Variants in SH3GL1 observed in about 807,000 individuals in gnomAD.
The protein encoded by SH3GL1 is SH3 domain containing GRB2 like 1, endophilin A2.
SH3GL1 carries 21 observed loss-of-function variants against 48.8 expected under a neutral mutation model. The ratio of observed to expected loss-of-function variants is 0.43; its 90% confidence interval spans 0.30 to 0.62. The LOEUF (loss-of-function observed/expected upper bound fraction) is 0.62. Ranked by LOEUF, SH3GL1 falls within the 20% of genes least tolerant of loss-of-function variation. The probability of loss-of-function intolerance (pLI) is 0.11; values close to 1 mark genes in which losing one functional copy is unlikely to be tolerated. For synonymous variants in SH3GL1, 282 were observed against 217.5 expected (o/e 1.30, Z -2.61); for missense variants, 454 against 503.0 (o/e 0.90, Z 0.93).
chr19:4,378,278 G>C (rs1442747919), intron 1 of SH3GL1, among the ~76,000 whole-genome samples: 2 of 152,210 alleles, frequency 1.3e-5, no homozygotes, highest in African/African-American at 4.8e-5. Context: ...GGCTGACGTG[G>C]GATTAGGGTG....
intron 1 of SH3GL1, among the ~76,000 whole-genome samples, chr19:4,394,094 T>C: frequency 7.2e-6 from 1 of 139,198 alleles, no homozygotes. Context: ...ATCTTTCCAT[T>C]CAAATGTTCA....
At chr19:4,387,794 C>G (rs549401810) in intron 1 of SH3GL1, among the ~76,000 whole-genome samples, 111 of 152,232 alleles carry the variant, frequency 7.3e-4, no homozygotes, top group Non-Finnish European at 1.4e-3. Context: ...AGCGATTCGC[C>G]TGCCTCAGCC....
In SH3GL1 at chr19:4,361,282, G is replaced by A. The variant is rs1599585303; in HGVS notation, c.*318C>T. Reference sequence around the variant, plus strand: ...CAGAGGAACATTAGTGTTTCTAAGAGCACCTTAGTGTTGCCCCGCCTCGGC... The same window carrying A: ...CAGAGGAACATTAGTGTTTCTAAGAACACCTTAGTGTTGCCCCGCCTCGGC... On this transcript the variant is annotated 3_prime_UTR_variant, in exon 10 of 10. Transcript: ENST00000269886. 2 of 430,090 alleles carry A rather than the reference G, an allele frequency of 4.7e-6. No individual in the cohort carries two copies. Among genetic ancestry groups the A allele is most frequent in the African/African-American group, 4.0e-5 (2 of 50,174 alleles). 26.6% of individuals were successfully genotyped at this position (430,090 alleles called of 1,614,324 possible).
intron 1 of SH3GL1, among the ~76,000 whole-genome samples, chr19:4,395,076 G>C (rs1973402335): frequency 6.6e-6 from 1 of 152,262 alleles, no homozygotes; most frequent in Non-Finnish European, 1.5e-5. Flanking sequence ...TCAAGTTCCA[G>C]CAAAGAACTG....
intron 1 of SH3GL1, among the ~76,000 whole-genome samples, chr19:4,393,508 A>C (rs1359106327): frequency 3.3e-5 from 5 of 151,776 alleles, no homozygotes; most frequent in Admixed American, 3.3e-4. Flanking sequence ...ATAAATAAAA[A>C]TAGGCGAGGC....
At chr19:4,394,957 C>T (rs1436668472) in intron 1 of SH3GL1, among the ~76,000 whole-genome samples, 5 of 152,262 alleles carry the variant, frequency 3.3e-5, no homozygotes, top group Non-Finnish European at 7.3e-5. Flanking sequence ...CAACTGTCTC[C>T]GACATTGCCA....
At chr19:4,362,585 C>T (rs1220563550) in intron 8 of SH3GL1, 27 bp downstream of exon 8, 2 of 1,612,652 alleles carry the variant, frequency 1.2e-6, no homozygotes, top group Non-Finnish European at 1.7e-6. Context: ...GCATTTGCCT[C>T]CGCAAGAGGG....
intron 2 of SH3GL1, 37 bp downstream of exon 2, chr19:4,366,889 T>C (rs1393031899): frequency 6.3e-7 from 1 of 1,598,200 alleles, no homozygotes; most frequent in South Asian, 1.1e-5. Context: ...GCCCCAGCAG[T>C]GCCACCACCA....
intron 1 of SH3GL1, among the ~76,000 whole-genome samples, chr19:4,396,409 CAAACAAACAA>C (rs1973426081): frequency 6.6e-6 from 1 of 152,048 alleles, no homozygotes; most frequent in South Asian, 2.1e-4. Flanking sequence ...CAAAAACAAA[CAAACAAACAA>C]AAACAAACTA....
chr19:4,386,164 C>A (rs1208155329), intron 1 of SH3GL1, among the ~76,000 whole-genome samples: 2 of 152,190 alleles, frequency 1.3e-5, no homozygotes, highest in East Asian at 1.9e-4. Context: ...GGCTGCCCAT[C>A]TGTTTCAAAC....
At chr19:4,375,770 A>G (rs1433660514) in intron 1 of SH3GL1, among the ~76,000 whole-genome samples, 1 of 152,238 alleles carries the variant, frequency 6.6e-6, no homozygotes, top group African/African-American at 2.4e-5. Flanking sequence ...GAAAACTTAT[A>G]AAAGGAAAAA....
Position 4,367,909 on chromosome 19 carries a change from G to T in SH3GL1, c.46-915C>A, listed in dbSNP as rs1331107977. Among the ~76,000 whole-genome samples, 2 of 152,092 alleles carry T rather than the reference G, an allele frequency of 1.3e-5. No individual in the cohort carries two copies. The highest frequency in any genetic ancestry group is 4.8e-5 in the African/African-American group (2 of 41,406). On this transcript the variant is annotated intron_variant, in intron 1 of 9. Transcript: ENST00000269886. This position sits in a 1 kb window ranked among gnomAD's most constrained non-coding sequence, Gnocchi z 4.2. The stretch of plus-strand genomic sequence containing the variant: ...ACAGAGTGAGGATGGACAGTGTGAG[G>T]CCCTTCCCAGCACACAGCGCTTCAT...
At position 4,364,308 on chromosome 19, in the gene SH3GL1, G is replaced by A. The variant is rs573937980; in HGVS notation, c.332-87C>T. 2.5e-5 allele frequency: 38 copies of A among 1,545,408 alleles called. No homozygotes were observed. In the East Asian group the frequency reaches 2.9e-4, roughly 12 times the overall value. ...CCTCAGCCTTTGTTTTTGAAATAGC[G>A]TTTCACAGGCTGGAACGCAGTGGCG... On this transcript the variant is annotated intron_variant, in intron 4 of 9. Coordinates refer to ENST00000269886, the MANE Select transcript of SH3GL1 (RefSeq NM_003025.4).
Position 4,363,757 on chromosome 19 carries a change from A to G in SH3GL1, c.587T>C (p.Val196Ala). 1.2e-6 allele frequency: 2 copies of G among 1,613,534 alleles called. No homozygotes were observed. Among genetic ancestry groups the G allele is most frequent in the East Asian group, 2.2e-5 (1 of 44,866 alleles). ...ALEKFEESKE[V>A]AETSMHNLLE... ...GAGGTTGTGCATGCTGGTTTCTGCC[A>G]CCTCCTTGGACTCCTCGAACTTCTC... The change falls in exon 6 of 10, where the codon GTG becomes GCG. Residue 196 changes from valine to alanine, a missense_variant. Physicochemically the swap from Val to Ala is moderately conservative, Grantham distance 64. This residue lies in a region of SH3GL1 where 278 missense variants were observed against 246.8 expected (regional missense o/e 1.13). Coordinates refer to ENST00000269886, the MANE Select transcript of SH3GL1 (RefSeq NM_003025.4).
intron 1 of SH3GL1, among the ~76,000 whole-genome samples, chr19:4,390,958 T>C (rs1054361110): frequency 2.0e-5 from 3 of 152,226 alleles, no homozygotes; most frequent in South Asian, 2.1e-4. Flanking sequence ...ATCAGATCAG[T>C]TGCAAAACAC....
rs908611767 is a variant in SH3GL1, at chr19:4,376,875, G to A, written c.46-9881C>T. ...CAGGAAGCACTCTCCAATGCTTAGC[G>A]CCCTAGAATAAAGGACCCCGGGCAA... is the stretch of plus-strand genomic sequence containing the variant. On this transcript the variant is annotated intron_variant, in intron 1 of 9. Coordinates refer to ENST00000269886, the MANE Select transcript of SH3GL1 (RefSeq NM_003025.4). The surrounding 1 kb of genome is among the most constrained non-coding windows in gnomAD (Gnocchi z 4.3). 2.6e-5 allele frequency among the ~76,000 whole-genome samples: 4 copies of A among 152,238 alleles called. No individual in the cohort carries two copies. Among genetic ancestry groups the A allele is most frequent in the Admixed American group, 6.5e-5 (1 of 15,288 alleles).
At chr19:4,395,913 AAT>A (rs138584668) in intron 1 of SH3GL1, 40 of 149,100 alleles carry the variant, frequency 2.7e-4, no homozygotes, top group Admixed American at 1.0e-3. Flanking sequence ...TCTGTCTCAA[AAT>A]ATATATATAT....
intron 1 of SH3GL1, among the ~76,000 whole-genome samples, chr19:4,372,935 A>G (rs1972931911): frequency 6.6e-6 from 1 of 152,198 alleles, no homozygotes; most frequent in South Asian, 2.1e-4. Context: ...AAGCTCGCCT[A>G]TCTACAGGGG....
At chr19:4,377,981 G>A (rs1003587282) in intron 1 of SH3GL1, among the ~76,000 whole-genome samples, 1 of 152,212 alleles carries the variant, frequency 6.6e-6, no homozygotes, top group South Asian at 2.1e-4. Context: ...GTGGCTCATC[G>A]TCCTTGGAGG....
Sources: gnomAD v4.1 joint callset for allele counts (sites outside exome capture counted in the v4.1 genomes callset) on GRCh38, gnomAD v4.1.1 for gene constraint, gnomAD v4.1.1 regional missense constraint, Gnocchi (gnomAD v3.1) non-coding constraint, MANE v1.5 for transcripts, NCBI Gene and HGNC (gene_info 2026-07-23, HGNC 2026-07-21) for gene names.